Variants in PDE4D observed in about 807,000 individuals in gnomAD.
PDE4D encodes phosphodiesterase 4D.
PDE4D carries 24 observed loss-of-function variants against 87.4 expected under a neutral mutation model. The observed-to-expected ratio is 0.27, with a 90% CI of 0.20 to 0.39. PDE4D has a LOEUF of 0.39. Among genes scored for constraint, PDE4D ranks in the 10% least tolerant of loss-of-function variants. The pLI is 1.00. For synonymous variants in PDE4D, 384 were observed against 383.2 expected, an observed-to-expected ratio of 1.00 and a Z score of -0.02; for missense variants, 714 against 1,041.0, an observed-to-expected ratio of 0.69 and a Z score of 4.32.
At chr5:59,756,535 C>CACACACAG (rs1355152924) in intron 1 of PDE4D, among the ~76,000 whole-genome samples, 4 of 150,082 alleles carry the variant, frequency 2.7e-5, no homozygotes, top group African/African-American at 7.4e-5. Flanking sequence ...CACACACACA[C>CACACACAG]AGAGACACAC....
intron 2 of PDE4D, 187 bp from the exon 3 acceptor site, chr5:59,193,723 AT>A (rs1177544812): frequency 2.5e-5 from 25 of 985,352 alleles, no homozygotes; most frequent in Non-Finnish European, 2.8e-5. Context: ...GATGTTAACA[AT>A]TGTCCAACTC....
At chr5:60,380,243 T>C (rs943558957) in intron 1 of PDE4D, among the ~76,000 whole-genome samples, 1 of 152,228 alleles carries the variant, frequency 6.6e-6, no homozygotes. Flanking sequence ...TAGATTAGTG[T>C]ATCCTAGCTG....
chr5:59,013,391 G>A (rs1360218457), intron 6 of PDE4D, among the ~76,000 whole-genome samples: 2 of 152,048 alleles, frequency 1.3e-5, no homozygotes, highest in African/African-American at 4.8e-5. Context: ...CAACAAAATT[G>A]ATAGACCACT....
chr5:60,099,594 T>TA (rs1286411026), intron 2 of PDE4D, among the ~76,000 whole-genome samples: 1 of 151,860 alleles, frequency 6.6e-6, no homozygotes, highest in Non-Finnish European at 1.5e-5. Context: ...GCAAAGGAAA[T>TA]ACGGTTTACC....
chr5:59,511,210 G>A (rs1036391221), intron 1 of PDE4D, among the ~76,000 whole-genome samples: 4 of 151,422 alleles, frequency 2.6e-5, no homozygotes, highest in East Asian at 1.9e-4. Flanking sequence ...AGTAACAAAT[G>A]AGAAAAGAAG....
At chr5:60,303,668 T>C (rs1269612262) in intron 1 of PDE4D, among the ~76,000 whole-genome samples, 1 of 152,194 alleles carries the variant, frequency 6.6e-6, no homozygotes, top group Admixed American at 6.5e-5. Flanking sequence ...TGAGAGACTG[T>C]TATGATTTCA....
chr5:59,623,745 A>G (rs298051), intron 1 of PDE4D, among the ~76,000 whole-genome samples: 135,068 of 152,152 alleles, frequency 0.89, 59,975 homozygotes, highest in South Asian at 0.93. Flanking sequence ...CTAGATGTTC[A>G]ATGAATCGTG....
Position 59,136,639 on chromosome 5 carries a change from G to A in PDE4D, c.808+43956C>T, listed in dbSNP as rs549038746. Reference sequence around the variant, plus strand: ...ATTAAATTACAAAGAGCTTGGTGCAGAATAGTATTTGTAATACTCTCTTGG... The same window carrying A: ...ATTAAATTACAAAGAGCTTGGTGCAAAATAGTATTTGTAATACTCTCTTGG... On this transcript the variant is annotated intron_variant, in intron 5 of 14. Transcript: ENST00000340635. 2.0e-5 allele frequency among the ~76,000 whole-genome samples: 3 copies of A among 152,210 alleles called. No homozygotes were observed. The East Asian group carries it at 5.8e-4, about 29-fold the overall frequency.
At chr5:59,379,813 T>A (rs532910621) in intron 1 of PDE4D, among the ~76,000 whole-genome samples, 8 of 152,006 alleles carry the variant, frequency 5.3e-5, no homozygotes, top group African/African-American at 1.9e-4. Context: ...ATTACTAAAT[T>A]AAGAGGTAGG....
chr5:59,030,120 T>A (rs561220307), intron 6 of PDE4D, among the ~76,000 whole-genome samples: 1 of 152,110 alleles, frequency 6.6e-6, no homozygotes, highest in South Asian at 2.1e-4. Context: ...ACAACAATGG[T>A]CTGGGCAATG....
rs1241127011 is a variant in PDE4D at position 60,322,409 on chromosome 5, C to A, written c.-89-136722G>T. ...ACACACACACACACACACACACACACACACACAAAACCCTAACATATTTCA... is the reference window on the plus strand; with the variant it reads ...ACACACACACACACACACACACACAAACACACAAAACCCTAACATATTTCA... On this transcript the variant is annotated intron_variant, in intron 1 of 16. Coordinates refer to the PDE4D transcript ENST00000502484. 4.9e-3 allele frequency among the ~76,000 whole-genome samples: 667 copies of A among 135,354 alleles called. 4 individuals carry two copies. Among genetic ancestry groups the A allele is most frequent in the South Asian group, 0.02 (80 of 4,102 alleles). 88.8% of individuals were successfully genotyped at this position (135,354 alleles called of 152,430 possible). A position where few individuals can be genotyped will look rare whatever the true frequency, so the allele number is the denominator to read the frequency against.
In PDE4D at chr5:59,474,594, C is replaced by T. The variant is rs2153653447; in HGVS notation, c.456-258626G>A. ...CATCATTTTTCCCTGGTGAAGAAGCCTGAGTTGAGATAAAGCATCAATCAT... is the reference window on the plus strand; with the variant it reads ...CATCATTTTTCCCTGGTGAAGAAGCTTGAGTTGAGATAAAGCATCAATCAT... On this transcript the variant is annotated intron_variant, in intron 1 of 14. Coordinates refer to ENST00000340635, the MANE Select transcript of PDE4D (RefSeq NM_001104631.2). 2.6e-5 allele frequency among the ~76,000 whole-genome samples: 4 copies of T among 152,136 alleles called. 1 individual carries two copies. The South Asian group carries it at 8.3e-4, about 32-fold the overall frequency.
At chr5:60,313,150 TG>T (rs1177557413) in intron 1 of PDE4D, among the ~76,000 whole-genome samples, 1 of 151,752 alleles carries the variant, frequency 6.6e-6, no homozygotes, top group Non-Finnish European at 1.5e-5. Flanking sequence ...GTTGGTTTTT[TG>T]AAAGAATAAA....
chr5:59,688,386 A>C (rs1007372509), intron 1 of PDE4D, among the ~76,000 whole-genome samples: 1 of 152,228 alleles, frequency 6.6e-6, no homozygotes, highest in African/African-American at 2.4e-5. Context: ...ACCACAGTGC[A>C]ATCAAACTAG....
At chr5:59,321,601 C>T (rs1774731148) in intron 1 of PDE4D, among the ~76,000 whole-genome samples, 1 of 152,078 alleles carries the variant, frequency 6.6e-6, no homozygotes, top group African/African-American at 2.4e-5. Context: ...TAGAGTTTGG[C>T]TCTGAAATGT....
chr5:60,214,947 G>A (rs911216521), intron 1 of PDE4D, among the ~76,000 whole-genome samples: 1 of 152,130 alleles, frequency 6.6e-6, no homozygotes, highest in Non-Finnish European at 1.5e-5. Flanking sequence ...TATTATTGCA[G>A]AATCTGTATT....
chr5:59,781,415 T>C (rs1328808796), intron 1 of PDE4D, among the ~76,000 whole-genome samples: 1 of 152,168 alleles, frequency 6.6e-6, no homozygotes, highest in Non-Finnish European at 1.5e-5. Flanking sequence ...ACTTACAATT[T>C]AATGGTTGCA....
At chr5:59,312,701 C>G (rs921423623) in intron 1 of PDE4D, among the ~76,000 whole-genome samples, 9 of 152,180 alleles carry the variant, frequency 5.9e-5, no homozygotes, top group Admixed American at 5.2e-4. Flanking sequence ...AGCCTTAGAA[C>G]CCAGTGCCCC....
intron 1 of PDE4D, among the ~76,000 whole-genome samples, chr5:59,317,435 C>T (rs1001634623): frequency 3.9e-5 from 6 of 152,208 alleles, no homozygotes; most frequent in African/African-American, 1.2e-4. Flanking sequence ...GGCAGGACAC[C>T]AGCAGGCTTC....
Sources: allele counts gnomAD v4.1 joint callset (sites outside exome capture counted in the v4.1 genomes callset), GRCh38; gene constraint gnomAD v4.1.1; transcripts MANE v1.5; gene names NCBI Gene and HGNC (gene_info 2026-07-23, HGNC 2026-07-21).